The following CSF1 variants were observed in gnomAD, a reference collection of about 807,000 sequenced individuals.
CSF1 encodes colony stimulating factor 1.
In CSF1, 9 loss-of-function variants were observed where a neutral mutation model predicts 48.9. That is an observed-to-expected ratio of 0.18 (90% CI 0.11 to 0.32). The LOEUF (loss-of-function observed/expected upper bound fraction) is 0.32, where lower values mean the gene tolerates loss of function less well. Among genes scored for constraint, CSF1 ranks in the 10% least tolerant of loss-of-function variants. The probability of loss-of-function intolerance (pLI) is 1.00; values close to 1 mark genes in which losing one functional copy is unlikely to be tolerated. For missense variants in CSF1, 672 were observed against 697.9 expected (o/e 0.96, Z 0.42); for synonymous variants, 305 against 284.1 (o/e 1.07, Z -0.74).
intron 1 of CSF1, 62 bp from the exon 2 acceptor site, chr1:109,914,197 A>G: frequency 6.7e-7 from 1 of 1,503,116 alleles, no homozygotes; most frequent in Non-Finnish European, 8.9e-7. Flanking sequence ...TGCGTTGAGC[A>G]GGGCATGGGG....
At position 109,910,947 on chromosome 1, in the gene CSF1, G is replaced by A; in HGVS notation, c.-77G>A. On this transcript the variant is annotated 5_prime_UTR_variant, in exon 1 of 9. Transcript: ENST00000329608. Reference sequence around the variant, plus strand: ...CAGCGGTGCGGCCCTCGGCCGGGGCGCCCACTCCGCAGCAGCCAGCGAGCG... The same window carrying A: ...CAGCGGTGCGGCCCTCGGCCGGGGCACCCACTCCGCAGCAGCCAGCGAGCG... 3.8e-6 allele frequency: 4 copies of A among 1,062,300 alleles called. No individual in the cohort carries two copies. Among genetic ancestry groups the A allele is most frequent in the Non-Finnish European group, 3.5e-6 (3 of 863,540 alleles). The allele number at this position is 1,062,300 out of a possible 1,614,324, so 65.8% of individuals were successfully genotyped here. A position where few individuals can be genotyped will look rare whatever the true frequency, so the allele number is the denominator to read the frequency against.
chr1:109,924,574 G>A (rs1298065555), intron 6 of CSF1, among the ~76,000 whole-genome samples: 2 of 152,152 alleles, frequency 1.3e-5, no homozygotes, highest in African/African-American at 4.8e-5. Flanking sequence ...GCCTGCAAGG[G>A]TGTGGGGAGA....
chr1:109,922,006 AGGGGCCAGCAAGT>A lies in CSF1; in HGVS notation c.544+14_544+26del. ...ATGCTCCAGCCAAGGTAAGCATGGC[AGGGGCCAGCAAGT>A]GTGTGGGGGTGGTAGCATATGGAAT... On this transcript the variant is annotated intron_variant, in intron 5 of 8. Coordinates refer to ENST00000329608, the MANE Select transcript of CSF1 (RefSeq NM_000757.6). The A allele has an allele frequency of 6.3e-7, 1 of 1,585,686 alleles. No homozygotes were observed. The highest frequency in any genetic ancestry group is 1.1e-5 in the South Asian group (1 of 87,244).
intron 4 of CSF1, among the ~76,000 whole-genome samples, chr1:109,917,998 G>C (rs1041377702): frequency 6.6e-6 from 1 of 152,200 alleles, no homozygotes; most frequent in African/African-American, 2.4e-5. Context: ...GGGATGAGAC[G>C]ACCCGAAGGA....
chr1:109,912,370 G>A (rs1001499894), intron 1 of CSF1, among the ~76,000 whole-genome samples: 1 of 152,140 alleles, frequency 6.6e-6, no homozygotes, highest in Non-Finnish European at 1.5e-5. Flanking sequence ...CTGCAGCAGA[G>A]ATTCCTTCTG....
At position 109,923,374 on chromosome 1, in the gene CSF1, G is replaced by A; in HGVS notation, c.753G>A (p.Gln251=). ...LHTVDPGSAK[Q]RPPRSTCQSF... ...CAGTGGATCCAGGCAGTGCCAAGCA[G>A]CGGCCACCCAGGAGCACCTGCCAGA... Residue 251 remains glutamine (Q), a synonymous_variant, in exon 6 of 9, where the codon CAG becomes CAA. Transcript: ENST00000329608. 2 of 1,613,290 alleles carry A rather than the reference G, an allele frequency of 1.2e-6. No homozygotes were observed. The highest frequency in any genetic ancestry group is 1.7e-6 in the Non-Finnish European group (2 of 1,179,678).
chr1:109,924,625 C>T, intron 6 of CSF1, 151 bp from the exon 7 acceptor site: 1 of 682,220 alleles, frequency 1.5e-6, no homozygotes, highest in Non-Finnish European at 2.6e-6. Context: ...CACAAATCTC[C>T]CTTGGGCCTC....
chr1:109,911,101 G>T, intron 1 of CSF1, 39 bp downstream of exon 1: 1 of 1,010,842 alleles, frequency 9.9e-7, no homozygotes, highest in South Asian at 4.5e-5. Context: ...GGACGGGCTG[G>T]GGCGGGGGCT....
Position 109,912,978 on chromosome 1 carries a change from C to A in CSF1, c.40-1281C>A, listed in dbSNP as rs573576453. Among the ~76,000 whole-genome samples, 13 of 152,272 alleles carry A rather than the reference C, an allele frequency of 8.5e-5. No homozygotes were observed. The South Asian group carries it at 1.7e-3, about 19-fold the overall frequency. On this transcript the variant is annotated intron_variant, in intron 1 of 8. Transcript: ENST00000329608. The stretch of plus-strand genomic sequence containing the variant: ...TTGGCTCTTCCTTCCATGGCTCCCA[C>A]CCCTCTCCTGCCATCACCTTCTCCC...
chr1:109,924,263 G>A (rs149758130), intron 6 of CSF1, 73 bp downstream of exon 6: 5 of 1,386,328 alleles, frequency 3.6e-6, no homozygotes, highest in African/African-American at 1.4e-5. Flanking sequence ...GGTGCAGGTG[G>A]GGGGACAGCT....
intron 8 of CSF1, chr1:109,926,597 C>G (rs1287885439): frequency 2.0e-5 from 3 of 151,580 alleles, no homozygotes; most frequent in Non-Finnish European, 4.4e-5. Flanking sequence ...CCAACCCCAG[C>G]TGGCCCACCT....
intron 4 of CSF1, among the ~76,000 whole-genome samples, chr1:109,920,292 C>T (rs985305971): frequency 2.0e-5 from 3 of 151,968 alleles, no homozygotes; most frequent in Non-Finnish European, 4.4e-5. Context: ...AGTAAACTGC[C>T]GGAGTCTCAC....
Position 109,923,556 on chromosome 1 carries a change from C to T in CSF1, c.935C>T (p.Ala312Val). 1.9e-6 allele frequency: 3 copies of T among 1,614,184 alleles called. No homozygotes were observed. The highest frequency in any genetic ancestry group is 1.1e-5 in the South Asian group (1 of 91,088). The change falls in exon 6 of 9, where the codon GCC becomes GTC. Residue 312 changes from alanine to valine, a missense_variant. Ala to Val is a moderately conservative substitution (Grantham distance 64). Around this residue, in one of 3 missense-constraint regions of CSF1, gnomAD observed 591 missense variants for 593.6 expected, o/e 1.00. Transcript: ENST00000329608. ...NWVPEEASGE[A>V]SEIPVPQGTE... ...GTCCCAGAAGAAGCCTCTGGAGAGG[C>T]CAGTGAGATTCCCGTACCCCAAGGG...
At chr1:109,920,519 A>T (rs561258791) in intron 4 of CSF1, among the ~76,000 whole-genome samples, 1 of 152,102 alleles carries the variant, frequency 6.6e-6, no homozygotes, top group Non-Finnish European at 1.5e-5. Context: ...AGGTTTCACC[A>T]TGTTGGTCAG....
intron 1 of CSF1, 48 bp downstream of exon 1, chr1:109,911,110 C>G: frequency 1.0e-6 from 1 of 995,448 alleles, no homozygotes; most frequent in Non-Finnish European, 1.2e-6. Flanking sequence ...GGGGCGGGGG[C>G]TCGGCGGCCA....
At chr1:109,914,958 G>A (rs577261262) in intron 2 of CSF1, among the ~76,000 whole-genome samples, 1 of 152,362 alleles carries the variant, frequency 6.6e-6, no homozygotes, top group Non-Finnish European at 1.5e-5. Flanking sequence ...CCCATACGTG[G>A]TCCAGCCAGG....
intron 2 of CSF1, among the ~76,000 whole-genome samples, chr1:109,914,656 G>A (rs1395506556): frequency 7.9e-5 from 12 of 152,244 alleles, no homozygotes; most frequent in African/African-American, 2.7e-4. Context: ...GATTGCCCAG[G>A]AACATCAACC....
At chr1:109,916,667 C>T (rs1647231236) in intron 3 of CSF1, among the ~76,000 whole-genome samples, 1 of 152,184 alleles carries the variant, frequency 6.6e-6, no homozygotes, top group East Asian at 1.9e-4. Flanking sequence ...CCCATATGCA[C>T]CTCTGTTAGG....
In CSF1 at chr1:109,923,978, G is replaced by T. The variant is rs199611165; in HGVS notation, c.1357G>T (p.Ala453Ser). The T allele has an allele frequency of 8.1e-6, 13 of 1,614,080 alleles. No homozygotes were observed. Among genetic ancestry groups the T allele is most frequent in the Non-Finnish European group, 1.1e-5 (13 of 1,180,022 alleles). ...RRSTRDRRSP[A>S]EPEGGPASEG... ...GAGCACCAGGGATCGGAGGAGCCCC[G>T]CAGAGCCAGAAGGAGGACCAGCAAG... The change falls in exon 6 of 9, where the codon GCA becomes TCA. Residue 453 changes from alanine to serine, a missense_variant. This residue lies in a region of CSF1 where 591 missense variants were observed against 593.6 expected (regional missense o/e 1.00). Coordinates refer to ENST00000329608, the MANE Select transcript of CSF1 (RefSeq NM_000757.6).
Sources: allele counts gnomAD v4.1 joint callset (sites outside exome capture counted in the v4.1 genomes callset), GRCh38; gene constraint gnomAD v4.1.1; regional missense constraint gnomAD v4.1.1; transcripts MANE v1.5; gene names NCBI Gene and HGNC (gene_info 2026-07-23, HGNC 2026-07-21).